CHMP3: variants seen among roughly 807,000 people sequenced by gnomAD.
CHMP3 encodes the protein charged multivesicular body protein 3.
In CHMP3, 8 loss-of-function variants were observed where a neutral mutation model predicts 27.4. The ratio of observed to expected loss-of-function variants is 0.29; its 90% CI spans 0.17 to 0.53. The LOEUF is 0.53. Ranked by LOEUF, CHMP3 falls within the 20% of genes least tolerant of loss-of-function variation. The pLI is 0.96. For missense variants in CHMP3, 208 were observed against 271.5 expected (o/e 0.77, Z 1.64); for synonymous variants, 86 against 85.5 (o/e 1.01, Z -0.03).
intron 1 of CHMP3, among the ~76,000 whole-genome samples, chr2:86,560,256 C>T (rs920154147): frequency 1.3e-5 from 2 of 150,392 alleles, no homozygotes; most frequent in African/African-American, 4.9e-5. Flanking sequence ...AGCGAGACTC[C>T]ATCTCAAAAA....
At chr2:86,524,620 T>A (rs569543164) in intron 3 of CHMP3, among the ~76,000 whole-genome samples, 11 of 152,314 alleles carry the variant, frequency 7.2e-5, no homozygotes, top group Admixed American at 5.2e-4. Flanking sequence ...TCATTTTATA[T>A]AAGGGACTTG....
intron 3 of CHMP3, among the ~76,000 whole-genome samples, chr2:86,522,473 G>T (rs566164143): frequency 6.6e-6 from 1 of 152,288 alleles, no homozygotes; most frequent in African/African-American, 2.4e-5. Context: ...AGGTGCTGCA[G>T]AAGCCAGGTG....
At chr2:86,529,724 G>C (rs1022556019) in intron 2 of CHMP3, among the ~76,000 whole-genome samples, 2 of 152,086 alleles carry the variant, frequency 1.3e-5, no homozygotes, top group African/African-American at 4.8e-5. Flanking sequence ...AATTATAAGA[G>C]TACAGTTTCT....
chr2:86,537,065 G>A (rs147827636), intron 2 of CHMP3, among the ~76,000 whole-genome samples: 2,065 of 152,000 alleles, frequency 0.014, 34 homozygotes, highest in Non-Finnish European at 0.021. Context: ...AGGTTTTGCC[G>A]TGTTGCCCAG....
chr2:86,549,830 G>A (rs1024378402), intron 1 of CHMP3, among the ~76,000 whole-genome samples: 4 of 148,198 alleles, frequency 2.7e-5, no homozygotes, highest in South Asian at 2.1e-4. Context: ...CGGGGTGGCC[G>A]GGAAGAGGCG....
intron 2 of CHMP3, 101 bp downstream of exon 2, chr2:86,542,151 A>G: frequency 8.0e-7 from 1 of 1,250,578 alleles, no homozygotes; most frequent in Non-Finnish European, 1.1e-6. Flanking sequence ...TGATATAGGA[A>G]TAAACTATGT....
chr2:86,552,225 G>A (rs1274404737), intron 1 of CHMP3, among the ~76,000 whole-genome samples: 1 of 152,212 alleles, frequency 6.6e-6, no homozygotes, highest in Non-Finnish European at 1.5e-5. Context: ...CGGTGCTTCT[G>A]AGAGGAACGG....
At chr2:86,554,689 T>A (rs1677042968) in intron 1 of CHMP3, among the ~76,000 whole-genome samples, 1 of 152,110 alleles carries the variant, frequency 6.6e-6, no homozygotes. Flanking sequence ...AAATTTCCCT[T>A]GTACATAGCC....
intron 1 of CHMP3, among the ~76,000 whole-genome samples, chr2:86,550,824 T>C (rs1676879627): frequency 6.6e-6 from 1 of 152,224 alleles, no homozygotes; most frequent in African/African-American, 2.4e-5. Context: ...AACAACTATT[T>C]ACAGAGCATT....
chr2:86,550,739 TA>T (rs1215386837), intron 1 of CHMP3, among the ~76,000 whole-genome samples: 3 of 152,162 alleles, frequency 2.0e-5, no homozygotes, highest in African/African-American at 7.2e-5. Context: ...CAAAAATATT[TA>T]AAAAAACAAA....
rs770022623 is a variant in CHMP3 at position 86,526,683 on chromosome 2, T to TAC, written c.286+2534_286+2535insGT. Among the ~76,000 whole-genome samples, 252 of 143,264 alleles carry TAC rather than the reference T, an allele frequency of 1.8e-3. 10 individuals carry two copies. In the East Asian group the frequency reaches 0.039, roughly 22 times the overall value. 94.0% of individuals were successfully genotyped at this position (143,264 alleles called of 152,430 possible). Reference sequence around the variant, plus strand: ...CATGCTCTCTCTCTCTCTCTCTCTCTATATATATATACACATACACATAGA... The same window carrying TAC: ...CATGCTCTCTCTCTCTCTCTCTCTCTACATATATATATACACATACACATAGA... On this transcript the variant is annotated intron_variant, in intron 3 of 5. Coordinates refer to ENST00000263856, the MANE Select transcript of CHMP3 (RefSeq NM_016079.4).
chr2:86,516,165 GA>G (rs76961206), intron 3 of CHMP3, among the ~76,000 whole-genome samples: 98 of 129,736 alleles, frequency 7.6e-4, no homozygotes, highest in African/African-American at 2.4e-3. Flanking sequence ...AAAAAAAAAA[GA>G]AAAAAAAATT....
intron 1 of CHMP3, among the ~76,000 whole-genome samples, chr2:86,545,029 C>A (rs1295927217): frequency 2.7e-5 from 2 of 73,100 alleles, no homozygotes; most frequent in East Asian, 5.8e-4. Flanking sequence ...ACCTCCCGGA[C>A]GAAGGGCGGC....
At chr2:86,543,636 T>C (rs891877862) in intron 1 of CHMP3, among the ~76,000 whole-genome samples, 3 of 152,274 alleles carry the variant, frequency 2.0e-5, no homozygotes, top group Admixed American at 1.3e-4. Flanking sequence ...TTTAAAAATC[T>C]GTCTTCCTTT....
At chr2:86,541,570 T>C (rs530541221) in intron 2 of CHMP3, among the ~76,000 whole-genome samples, 116 of 152,254 alleles carry the variant, frequency 7.6e-4, no homozygotes, top group African/African-American at 2.7e-3. Flanking sequence ...CTCTCTGTCT[T>C]TGTTTCTATT....
chr2:86,510,281 CTCAT>C, intron 4 of CHMP3, 73 bp downstream of exon 4: 31 of 1,323,338 alleles, frequency 2.3e-5, no homozygotes, highest in African/African-American at 2.9e-5. Flanking sequence ...CCCACCCACC[CTCAT>C]CCCTAGCCCC....
rs1204057476 is a variant in CHMP3 at position 86,510,467 on chromosome 2, A to C, written c.299T>G (p.Val100Gly). 3 of 1,612,758 alleles carry C rather than the reference A, an allele frequency of 1.9e-6. No individual in the cohort carries two copies. The highest frequency in any genetic ancestry group is 2.5e-6 in the Non-Finnish European group (3 of 1,180,000). ...GMKNQLAVLRVAGSLQKSTEV... is the reference protein window; with the variant it reads ...GMKNQLAVLRGAGSLQKSTEV... Reference sequence around the variant, plus strand: ...TGTGCTCTTCTGCAGGGAACCAGCCACTCGCAAGACCGCTGAAAGAGAATG... The same window carrying C: ...TGTGCTCTTCTGCAGGGAACCAGCCCCTCGCAAGACCGCTGAAAGAGAATG... The change falls in exon 4 of 6, where the codon GTG (valine) becomes GGG (glycine). Residue 100 changes from valine to glycine, a missense_variant. By Grantham distance (109) the Val-to-Gly change is moderately radical (BLOSUM62 -3). Around this residue, in one of 3 missense-constraint regions of CHMP3, gnomAD observed 94 missense variants for 159.6 expected, o/e 0.59. Coordinates refer to ENST00000263856, the MANE Select transcript of CHMP3 (RefSeq NM_016079.4).
At chr2:86,559,051 T>C (rs1432923888) in intron 1 of CHMP3, among the ~76,000 whole-genome samples, 1 of 152,198 alleles carries the variant, frequency 6.6e-6, no homozygotes, top group Non-Finnish European at 1.5e-5. Context: ...AAGCACTATT[T>C]CTGAATATGT....
Position 86,529,900 on chromosome 2 carries a change from T to C in CHMP3, c.107-503A>G, listed in dbSNP as rs568583260. Among the ~76,000 whole-genome samples the C allele has an allele frequency of 3.3e-5, 5 of 152,306 alleles. No individual in the cohort carries two copies. The South Asian group carries it at 8.3e-4, about 25-fold the overall frequency. ...AAACTGTGGTAAAATACATAAAATA[T>C]AACATCTTAACCATTTTTAAGTATA... On this transcript the variant is annotated intron_variant, in intron 2 of 5. Coordinates refer to ENST00000263856, the MANE Select transcript of CHMP3 (RefSeq NM_016079.4).
Sources: allele counts gnomAD v4.1 joint callset (sites outside exome capture counted in the v4.1 genomes callset), GRCh38; gene constraint gnomAD v4.1.1; regional missense constraint gnomAD v4.1.1; transcripts MANE v1.5; gene names NCBI Gene and HGNC (gene_info 2026-07-23, HGNC 2026-07-21).